The following TMEM170B variants were observed in gnomAD, a reference collection of about 807,000 sequenced individuals.
TMEM170B encodes the protein transmembrane protein 170B.
TMEM170B carries 6 observed loss-of-function variants against 13.0 expected under a neutral mutation model. The ratio of observed to expected loss-of-function variants is 0.46; its 90% CI spans 0.25 to 0.91. The LOEUF is 0.91. Among genes scored for constraint, TMEM170B ranks in the 40% least tolerant of loss-of-function variants. The pLI is 0.17. For missense variants in TMEM170B, 138 were observed against 165.2 expected (o/e 0.84, Z 0.90); for synonymous variants, 61 against 64.9 (o/e 0.94, Z 0.29).
rs550495843 is a variant in TMEM170B at position 11,542,835 on chromosome 6, T to C, written c.97+4461T>C. Among the ~76,000 whole-genome samples the C allele has an allele frequency of 2.0e-5, 3 of 152,324 alleles. No individual in the cohort carries two copies. In the East Asian group the frequency reaches 5.8e-4, roughly 29 times the overall value. On this transcript the variant is annotated intron_variant, in intron 1 of 2. Coordinates refer to ENST00000379426, the MANE Select transcript of TMEM170B (RefSeq NM_001100829.3). Reference sequence around the variant, plus strand: ...AACACAACTTCTGAAACATCTGTCATTTGTTGAATGGCCGCTGTGTGTTAG... The same window carrying C: ...AACACAACTTCTGAAACATCTGTCACTTGTTGAATGGCCGCTGTGTGTTAG...
Position 11,578,179 on chromosome 6 carries a change from A to G in TMEM170B, c.*2618A>G, listed in dbSNP as rs1759904835. 6.6e-6 allele frequency: 1 copy of G among 152,086 alleles called. No homozygotes were observed. The highest frequency in any genetic ancestry group is 2.4e-5 in the African/African-American group (1 of 41,416). The allele number at this position is 152,086 out of a possible 1,614,324, so 9.4% of individuals were successfully genotyped here. Reference sequence around the variant, plus strand: ...TAAATAGGTTTGAGGATGTTTGAAAATTTTGAATTTTGGGAAAATTTTCTT... The same window carrying G: ...TAAATAGGTTTGAGGATGTTTGAAAGTTTTGAATTTTGGGAAAATTTTCTT... On this transcript the variant is annotated 3_prime_UTR_variant, in exon 3 of 3. Transcript: ENST00000379426.
In TMEM170B at chr6:11,567,299, CAT is replaced by C. The variant is rs1398607163; in HGVS notation, c.268+1464_268+1465del. Among the ~76,000 whole-genome samples, 4 of 152,220 alleles carry C rather than the reference CAT, an allele frequency of 2.6e-5. No individual in the cohort carries two copies. The East Asian group carries it at 7.7e-4, about 29-fold the overall frequency. ...ATTCTGTGACTGCCAATGCAGAGTA[CAT>C]GTGTCTGTTGCCCTTCACGTCTGGC... On this transcript the variant is annotated intron_variant, in intron 2 of 2. Transcript: ENST00000379426.
At chr6:11,544,727 C>T (rs1401008525) in intron 1 of TMEM170B, among the ~76,000 whole-genome samples, 1 of 152,188 alleles carries the variant, frequency 6.6e-6, no homozygotes, top group Non-Finnish European at 1.5e-5. Context: ...TCTTTCTGTA[C>T]ATATCACTTC....
At chr6:11,564,036 C>A (rs1047618263) in intron 1 of TMEM170B, among the ~76,000 whole-genome samples, 10 of 152,216 alleles carry the variant, frequency 6.6e-5, no homozygotes, top group Admixed American at 2.0e-4. Flanking sequence ...ATAATGTCCA[C>A]AAGGTTCATT....
rs1759918732 is a variant in TMEM170B, at chr6:11,579,114, G to A, written c.*3553G>A. ...AGTTTGGGACAACATTTTGCTTCCT[G>A]ATTTTAGTTGAGAGTTAGCCTGTTA... On this transcript the variant is annotated 3_prime_UTR_variant, in exon 3 of 3. Transcript: ENST00000379426. 1 of 152,160 alleles carries A rather than the reference G, an allele frequency of 6.6e-6. No individual in the cohort carries two copies. The highest frequency in any genetic ancestry group is 1.5e-5 in the Non-Finnish European group (1 of 68,012). The allele number at this position is 152,160 out of a possible 1,614,324, so 9.4% of individuals were successfully genotyped here. A position where few individuals can be genotyped will look rare whatever the true frequency, so the allele number is the denominator to read the frequency against.
At chr6:11,555,008 C>T (rs1372879796) in intron 1 of TMEM170B, among the ~76,000 whole-genome samples, 1 of 152,076 alleles carries the variant, frequency 6.6e-6, no homozygotes, top group African/African-American at 2.4e-5. Flanking sequence ...GTAAAGTTTG[C>T]ATCTGGTATC....
chr6:11,573,702 C>T (rs900976482), intron 2 of TMEM170B, among the ~76,000 whole-genome samples: 1 of 152,134 alleles, frequency 6.6e-6, no homozygotes, highest in African/African-American at 2.4e-5. Context: ...CGATTTTCCC[C>T]TTGCTGTGGA....
chr6:11,542,289 C>T (rs565843719), intron 1 of TMEM170B, among the ~76,000 whole-genome samples: 3 of 152,274 alleles, frequency 2.0e-5, no homozygotes, highest in African/African-American at 7.2e-5. Flanking sequence ...TAACTCCTGG[C>T]CAGCTTCAAC....
chr6:11,549,054 C>T (rs903548482), intron 1 of TMEM170B, among the ~76,000 whole-genome samples: 2 of 151,846 alleles, frequency 1.3e-5, no homozygotes, highest in Admixed American at 1.3e-4. Context: ...GCACATGTAC[C>T]CTAGAACTTA....
intron 1 of TMEM170B, among the ~76,000 whole-genome samples, chr6:11,551,521 GA>G (rs1759525218): frequency 6.6e-6 from 1 of 152,156 alleles, no homozygotes; most frequent in African/African-American, 2.4e-5. Context: ...AAGGTGATTA[GA>G]AAAAGCAGAA....
At chr6:11,556,465 TAGCCTCC>T (rs1445299108) in intron 1 of TMEM170B, among the ~76,000 whole-genome samples, 1 of 152,172 alleles carries the variant, frequency 6.6e-6, no homozygotes, top group Non-Finnish European at 1.5e-5. Context: ...CTCCACACAC[TAGCCTCC>T]CCCCAGTGGT....
In TMEM170B at chr6:11,575,415, T is replaced by C; in HGVS notation, c.269-16T>C. The C allele has an allele frequency of 1.9e-6, 3 of 1,613,072 alleles. No homozygotes were observed. Among genetic ancestry groups the C allele is most frequent in the Non-Finnish European group, 2.5e-6 (3 of 1,179,302 alleles). On this transcript the variant is annotated splice_polypyrimidine_tract_variant and intron_variant, in intron 2 of 2. Coordinates refer to ENST00000379426, the MANE Select transcript of TMEM170B (RefSeq NM_001100829.3). This position sits in a 1 kb window ranked among gnomAD's most constrained non-coding sequence, Gnocchi z 4.1. ...GAGTGACTGTATCCCTTCATTTTTC[T>C]CCCGTTTCTCCTTAGGTGCAGCAGT...
intron 2 of TMEM170B, among the ~76,000 whole-genome samples, chr6:11,566,765 T>A (rs1347911551): frequency 6.6e-6 from 1 of 152,216 alleles, no homozygotes; most frequent in East Asian, 1.9e-4. Flanking sequence ...CCTTCATTCT[T>A]CCTTTAGGGT....
rs1302374501 is a variant in TMEM170B at position 11,574,364 on chromosome 6, CTT to C, written c.269-1064_269-1063del. 3.9e-5 allele frequency among the ~76,000 whole-genome samples: 6 copies of C among 152,144 alleles called. No individual in the cohort carries two copies. In the East Asian group the frequency reaches 1.2e-3, roughly 29 times the overall value. ...CATCTCTTACAGAGCAATACAATAA[CTT>C]TTATTTGGAAGATTTTGAGTGAAGT... On this transcript the variant is annotated intron_variant, in intron 2 of 2. Coordinates refer to ENST00000379426, the MANE Select transcript of TMEM170B (RefSeq NM_001100829.3).
At chr6:11,573,158 C>G (rs965083213) in intron 2 of TMEM170B, among the ~76,000 whole-genome samples, 3 of 151,998 alleles carry the variant, frequency 2.0e-5, no homozygotes, top group Non-Finnish European at 4.4e-5. Flanking sequence ...ATGGGTTTTA[C>G]CCTTTTTTTG....
intron 1 of TMEM170B, among the ~76,000 whole-genome samples, chr6:11,551,356 G>T (rs567570958): frequency 6.6e-6 from 1 of 152,258 alleles, no homozygotes; most frequent in East Asian, 1.9e-4. Context: ...GGAACATTGT[G>T]CGAGCAGACT....
intron 1 of TMEM170B, among the ~76,000 whole-genome samples, chr6:11,545,349 G>A (rs675565): frequency 0.21 from 31,694 of 150,472 alleles, 4,023 homozygotes; most frequent in South Asian, 0.45. Context: ...TAGTAGTCCC[G>A]TTTATTCAAA....
chr6:11,567,778 A>G (rs1759755067), intron 2 of TMEM170B, among the ~76,000 whole-genome samples: 1 of 152,138 alleles, frequency 6.6e-6, no homozygotes, highest in African/African-American at 2.4e-5. Flanking sequence ...GCTTAATAGG[A>G]GTAGTACCAG....
intron 1 of TMEM170B, among the ~76,000 whole-genome samples, chr6:11,551,521 G>A (rs1050851959): frequency 1.3e-5 from 2 of 152,156 alleles, no homozygotes; most frequent in African/African-American, 4.8e-5. Context: ...AAGGTGATTA[G>A]AAAAAGCAGA....
Sources: gnomAD v4.1 joint callset for allele counts (sites outside exome capture counted in the v4.1 genomes callset) on GRCh38, gnomAD v4.1.1 for gene constraint, Gnocchi (gnomAD v3.1) non-coding constraint, MANE v1.5 for transcripts, NCBI Gene and HGNC (gene_info 2026-07-23, HGNC 2026-07-21) for gene names.